The following PAK3 variants were observed in gnomAD, a reference collection of about 807,000 sequenced individuals.
PAK3 encodes the protein p21 (RAC1) activated kinase 3, also known as serine/threonine-protein kinase PAK 3.
PAK3 carries 4 observed loss-of-function variants against 41.0 expected under a neutral mutation model. That is an observed-to-expected ratio of 0.10 (90% CI 0.05 to 0.22). The LOEUF (loss-of-function observed/expected upper bound fraction) is 0.22, where lower values mean the gene tolerates loss of function less well. Among genes scored for constraint, PAK3 ranks in the 10% least tolerant of loss-of-function variants. The probability of loss-of-function intolerance (pLI) is 1.00; values close to 1 mark genes in which losing one functional copy is unlikely to be tolerated. For missense variants in PAK3, 205 were observed against 409.9 expected (o/e 0.50, Z 4.32); for synonymous variants, 146 against 139.6 (o/e 1.05, Z -0.32).
Position 111,162,596 on chromosome X carries a change from A to C in PAK3, c.469-319A>C, listed in dbSNP as rs1206040456. 3.6e-5 allele frequency among the ~76,000 whole-genome samples: 4 copies of C among 112,136 alleles called. No homozygotes were observed. In the Admixed American group the frequency reaches 3.8e-4, roughly 11 times the overall value. On this transcript the variant is annotated intron_variant, in intron 8 of 17. Transcript: ENST00000372007. ...CTAAGAGCAATTAGTTTGATTTTTA[A>C]TGTATTTCAAAAACATTGAACTTTA...
chrX:111,188,104 T>G (rs183026332), intron 11 of PAK3, among the ~76,000 whole-genome samples: 24 of 109,425 alleles, frequency 2.2e-4, no homozygotes, highest in African/African-American at 1.7e-4. Flanking sequence ...TTTGTCGCAA[T>G]TTTATACCAC....
intron 1 of PAK3, among the ~76,000 whole-genome samples, chrX:110,952,864 G>C (rs914247611): frequency 1.1e-4 from 12 of 111,119 alleles, no homozygotes; most frequent in African/African-American, 3.9e-4. Context: ...ATTAAATTTT[G>C]CTGCCTTGAA....
At chrX:111,194,720 T>A (rs1569458505) in intron 14 of PAK3, among the ~76,000 whole-genome samples, 1 of 112,366 alleles carries the variant, frequency 8.9e-6, no homozygotes, top group Non-Finnish European at 1.9e-5. Flanking sequence ...ACAGTGATAT[T>A]GGCATAGCAC....
At chrX:111,020,437 T>C (rs1051257377) in intron 1 of PAK3, among the ~76,000 whole-genome samples, 7 of 110,960 alleles carry the variant, frequency 6.3e-5, no homozygotes, top group Admixed American at 5.7e-4. Flanking sequence ...GGTATACAGT[T>C]TCAGTTGGGG....
At chrX:111,145,141 G>A (rs1167394379) in intron 6 of PAK3, among the ~76,000 whole-genome samples, 2 of 111,774 alleles carry the variant, frequency 1.8e-5, no homozygotes, top group African/African-American at 3.2e-5. Flanking sequence ...GTTCCTCAAC[G>A]TGGCATAATG....
At chrX:111,216,839 G>C in intron 17 of PAK3, 1 of 478,224 alleles carries the variant, frequency 2.1e-6, no homozygotes, top group Non-Finnish European at 2.6e-6. Flanking sequence ...CTCTGGTGTT[G>C]GTGTTTTGTT....
intron 1 of PAK3, among the ~76,000 whole-genome samples, chrX:110,968,953 T>C (rs923088793): frequency 2.1e-4 from 23 of 110,561 alleles, no homozygotes; most frequent in Admixed American, 1.8e-3. Context: ...TAAAAGTTTA[T>C]AGTTTTATGC....
chrX:111,124,673 A>AT (rs1404394949), intron 5 of PAK3, among the ~76,000 whole-genome samples: 1 of 111,499 alleles, frequency 9.0e-6, no homozygotes, highest in East Asian at 2.8e-4. Context: ...TGACATTTCC[A>AT]TTTTTTGCCA....
rs371613652 is a variant in PAK3 at position 110,980,819 on chromosome X, A to T, written c.-28+36191A>T. Among the ~76,000 whole-genome samples the T allele has an allele frequency of 9.8e-5, 11 of 112,443 alleles. 1 individual carries two copies. In the East Asian group the frequency reaches 2.2e-3, roughly 23 times the overall value. On this transcript the variant is annotated intron_variant, in intron 1 of 14. Transcript: ENST00000425146. ...TCTAGATTCTTCTAGGCCTCTCTGA[A>T]CATGAATTCCTTTCTTCTGGGTGTG...
At chrX:110,987,322 C>T (rs2091561531) in intron 1 of PAK3, among the ~76,000 whole-genome samples, 1 of 112,652 alleles carries the variant, frequency 8.9e-6, no homozygotes, top group African/African-American at 3.2e-5. Flanking sequence ...GTCCCTCAGG[C>T]AGTGTGGATG....
At chrX:110,992,319 G>GGAGGTCAGA (rs1319404053) in intron 1 of PAK3, among the ~76,000 whole-genome samples, 1 of 111,446 alleles carries the variant, frequency 9.0e-6, no homozygotes, top group African/African-American at 3.3e-5. Flanking sequence ...TATTGGGATG[G>GGAGGTCAGA]GAGGTCAGAG....
At chrX:110,977,116 A>G (rs991704334) in intron 1 of PAK3, among the ~76,000 whole-genome samples, 21 of 111,130 alleles carry the variant, frequency 1.9e-4, no homozygotes, top group African/African-American at 6.5e-4. Flanking sequence ...ATAAAAAAAA[A>G]TCAGTGGTTC....
At chrX:111,106,245 C>T (rs1433300004) in intron 4 of PAK3, among the ~76,000 whole-genome samples, 1 of 111,991 alleles carries the variant, frequency 8.9e-6, no homozygotes, top group Non-Finnish European at 1.9e-5. Context: ...CACGTTTGCA[C>T]CAGTGCACAT....
At chrX:111,215,349 G>A (rs1013893980) in intron 16 of PAK3, among the ~76,000 whole-genome samples, 4 of 110,833 alleles carry the variant, frequency 3.6e-5, no homozygotes, top group Non-Finnish European at 3.8e-5. Flanking sequence ...ATTTAAGTTC[G>A]GGAGTTCAAG....
intron 1 of PAK3, among the ~76,000 whole-genome samples, chrX:111,049,681 C>T (rs1236027267): frequency 4.5e-5 from 5 of 111,624 alleles, no homozygotes; most frequent in African/African-American, 1.6e-4. Context: ...ACTAGGACCA[C>T]AAATCAATTA....
At chrX:111,124,538 G>A (rs1176253764) in intron 5 of PAK3, among the ~76,000 whole-genome samples, 3 of 112,196 alleles carry the variant, frequency 2.7e-5, no homozygotes, top group African/African-American at 9.7e-5. Context: ...GGAAGTGGCT[G>A]AAGAAGGGGA....
intron 12 of PAK3, 47 bp downstream of exon 12, chrX:111,192,222 T>G: frequency 2.4e-6 from 2 of 828,308 alleles, no homozygotes; most frequent in South Asian, 4.2e-5. Flanking sequence ...TTTATTCATA[T>G]TTAACAGTTA....
intron 16 of PAK3, among the ~76,000 whole-genome samples, chrX:111,209,554 A>G (rs1298843555): frequency 8.9e-6 from 1 of 111,838 alleles, no homozygotes; most frequent in African/African-American, 3.3e-5. Flanking sequence ...GTCACCATGT[A>G]TCATATGATT....
intron 1 of PAK3, among the ~76,000 whole-genome samples, chrX:111,034,182 A>T (rs2092369969): frequency 9.0e-6 from 1 of 111,528 alleles, no homozygotes; most frequent in South Asian, 3.9e-4. Context: ...TGATAGTCAC[A>T]GTAACCTACT....
Sources: allele counts gnomAD v4.1 joint callset (sites outside exome capture counted in the v4.1 genomes callset), GRCh38; gene constraint gnomAD v4.1.1; transcripts MANE v1.5; gene names NCBI Gene and HGNC (gene_info 2026-07-23, HGNC 2026-07-21).